Variants in REPS2 observed in about 807,000 individuals in gnomAD.
REPS2 encodes the protein ralBP1-associated Eps domain-containing protein 2.
REPS2 carries 23 observed loss-of-function variants against 53.6 expected under a neutral mutation model. The ratio of observed to expected loss-of-function variants is 0.43; its 90% CI spans 0.31 to 0.61. The LOEUF is 0.61. Among genes scored for constraint, REPS2 ranks in the 20% least tolerant of loss-of-function variants. REPS2 has a pLI of 0.11. For synonymous variants in REPS2, 238 were observed against 218.6 expected (o/e 1.09, Z -0.78); for missense variants, 446 against 534.9 (o/e 0.83, Z 1.64).
chrX:17,124,856 C>CTT lies in REPS2; in HGVS notation c.1579-8951_1579-8950dup, dbSNP rs1175675334. ...TTGGCAAAGTTCTACAGATGGACTT[C>CTT]TTTTTTTTTTTTTTTTTTGAGACAG... On this transcript the variant is annotated intron_variant, in intron 14 of 17. Transcript: ENST00000357277. Among the ~76,000 whole-genome samples, 113 of 91,025 alleles carry CTT rather than the reference C, an allele frequency of 1.2e-3. 1 individual carries two copies. Among genetic ancestry groups the CTT allele is most frequent in the African/African-American group, 4.2e-3 (105 of 24,833 alleles). The allele number at this position is 91,025 out of a possible 115,157, so 79.0% of individuals were successfully genotyped here.
chrX:16,954,061 T>A (rs1449827426), intron 1 of REPS2, among the ~76,000 whole-genome samples: 1 of 111,084 alleles, frequency 9.0e-6, no homozygotes, highest in Non-Finnish European at 1.9e-5. Flanking sequence ...TCAAGCAATC[T>A]TCCTGCCTCA....
the REPS2 span, among the ~76,000 whole-genome samples, chrX:17,185,474 C>T: frequency 6.0e-4 from 67 of 111,601 alleles, no homozygotes; most frequent in African/African-American, 2.0e-3. Flanking sequence ...TGTAACTCCG[C>T]GAGAGCAGAA....
intron 5 of REPS2, among the ~76,000 whole-genome samples, chrX:17,041,538 T>C (rs2061829663): frequency 8.9e-6 from 1 of 112,382 alleles, no homozygotes; most frequent in Admixed American, 9.4e-5. Context: ...CTCACATCTT[T>C]GCTAATGAGA....
intron 1 of REPS2, among the ~76,000 whole-genome samples, chrX:16,965,000 G>A (rs1421973087): frequency 1.2e-5 from 1 of 81,950 alleles, no homozygotes; most frequent in Admixed American, 1.2e-4. Flanking sequence ...GGGCAGAGGC[G>A]CCCCTCACCT....
intron 14 of REPS2, among the ~76,000 whole-genome samples, chrX:17,113,783 C>T: frequency 9.0e-6 from 1 of 111,147 alleles, no homozygotes. Flanking sequence ...GTAAGCCTGT[C>T]CCCCTTCCTT....
chrX:17,009,791 C>T (rs917651623), intron 2 of REPS2, among the ~76,000 whole-genome samples: 2 of 111,175 alleles, frequency 1.8e-5, no homozygotes, highest in African/African-American at 6.5e-5. Flanking sequence ...TTAAACCCTC[C>T]AGTAGTCTGC....
intron 17 of REPS2, among the ~76,000 whole-genome samples, chrX:17,143,716 TA>T: frequency 8.9e-6 from 1 of 112,026 alleles, no homozygotes; most frequent in Admixed American, 9.5e-5. Context: ...TTCTGTTGTT[TA>T]ATAACCAATA....
chrX:16,968,833 C>T (rs1381598961), intron 1 of REPS2, among the ~76,000 whole-genome samples: 1 of 108,969 alleles, frequency 9.2e-6, no homozygotes, highest in South Asian at 4.0e-4. Flanking sequence ...GCTGACCCCC[C>T]CACCTCCCTC....
intron 15 of REPS2, 92 bp downstream of exon 15, chrX:17,133,999 C>G (rs1011188767): frequency 1.8e-5 from 12 of 664,204 alleles, no homozygotes; most frequent in South Asian, 1.7e-4. Context: ...TTTAAGGTTT[C>G]TGTGTCCTGA....
chrX:17,008,819 A>G (rs372614344), intron 2 of REPS2, among the ~76,000 whole-genome samples: 36 of 111,078 alleles, frequency 3.2e-4, no homozygotes, highest in African/African-American at 1.1e-3. Flanking sequence ...ATACCCAGGG[A>G]GTTGTGGATG....
At chrX:17,024,004 T>G (rs184350983) in intron 3 of REPS2, among the ~76,000 whole-genome samples, 34 of 110,874 alleles carry the variant, frequency 3.1e-4, no homozygotes, top group Non-Finnish European at 5.5e-4. Flanking sequence ...AAAGCATTGT[T>G]TTGGCTGGGT....
chrX:17,162,966 A>G, the REPS2 span, among the ~76,000 whole-genome samples: 3 of 112,360 alleles, frequency 2.7e-5, no homozygotes, highest in African/African-American at 9.7e-5. Flanking sequence ...TAGGATATAA[A>G]AAGAAACAAG....
chrX:17,181,781 T>A, the REPS2 span, among the ~76,000 whole-genome samples: 1 of 112,093 alleles, frequency 8.9e-6, no homozygotes, highest in African/African-American at 3.3e-5. Flanking sequence ...CTGATAAAGG[T>A]AAGGCCATTC....
At chrX:16,977,934 T>G (rs960217560) in intron 1 of REPS2, among the ~76,000 whole-genome samples, 2 of 110,657 alleles carry the variant, frequency 1.8e-5, no homozygotes, top group South Asian at 7.7e-4. Context: ...CTAAGATAGC[T>G]TCTTCACTCT....
At chrX:17,164,541 T>C in the REPS2 span, among the ~76,000 whole-genome samples, 3 of 112,135 alleles carry the variant, frequency 2.7e-5, no homozygotes, top group African/African-American at 9.7e-5. Context: ...CAGGAAGATA[T>C]AACAATCATA....
intron 5 of REPS2, among the ~76,000 whole-genome samples, chrX:17,033,419 A>G (rs763921610): frequency 1.8e-5 from 2 of 111,736 alleles, no homozygotes; most frequent in African/African-American, 3.3e-5. Context: ...TCTGCCAGAC[A>G]TCTTCACTCT....
At chrX:17,159,373 T>C in the REPS2 span, among the ~76,000 whole-genome samples, 1 of 111,772 alleles carries the variant, frequency 8.9e-6, no homozygotes, top group African/African-American at 3.3e-5. Context: ...CAAGCACCAC[T>C]CTTACTTAAG....
At chrX:17,192,301 C>T in the REPS2 span, among the ~76,000 whole-genome samples, 8 of 112,352 alleles carry the variant, frequency 7.1e-5, no homozygotes, top group African/African-American at 1.3e-4. Flanking sequence ...ATTTCATCTC[C>T]GTCTCTGCAT....
intron 1 of REPS2, among the ~76,000 whole-genome samples, chrX:16,970,485 A>G (rs1366174577): frequency 3.6e-5 from 4 of 112,484 alleles, no homozygotes; most frequent in Non-Finnish European, 7.5e-5. Flanking sequence ...GGCGTGAGCC[A>G]CTGTGCCTGG....
Sources: gnomAD v4.1 joint callset for allele counts (sites outside exome capture counted in the v4.1 genomes callset) on GRCh38, gnomAD v4.1.1 for gene constraint, MANE v1.5 for transcripts, NCBI Gene and HGNC (gene_info 2026-07-23, HGNC 2026-07-21) for gene names.